The following PRKN variants were observed in gnomAD, a reference collection of about 807,000 sequenced individuals.
The protein encoded by PRKN is parkin RBR E3 ubiquitin protein ligase.
In PRKN, 56 loss-of-function variants were observed where a neutral mutation model predicts 59.5. The observed-to-expected ratio is 0.94, with a 90% CI of 0.76 to 1.18. PRKN has a LOEUF of 1.18. Ranked by LOEUF, PRKN falls within the 50% of genes most tolerant of loss-of-function variation. PRKN has a pLI of 0.00. For synonymous variants in PRKN, 250 were observed against 222.1 expected, an observed-to-expected ratio of 1.13 and a Z score of -1.12; for missense variants, 657 against 596.4, an observed-to-expected ratio of 1.10 and a Z score of -1.06.
At chr6:162,269,084 T>A (rs1232676522) in intron 2 of PRKN, among the ~76,000 whole-genome samples, 1 of 152,102 alleles carries the variant, frequency 6.6e-6, no homozygotes, top group Non-Finnish European at 1.5e-5. Flanking sequence ...AAGAAGATGG[T>A]ATAGGTGAGC....
At chr6:162,193,400 T>C (rs549032806) in intron 4 of PRKN, among the ~76,000 whole-genome samples, 89 of 152,288 alleles carry the variant, frequency 5.8e-4, no homozygotes, top group Non-Finnish European at 1.1e-3. Flanking sequence ...TGTGCATCAC[T>C]CTGGCTTTTG....
intron 7 of PRKN, among the ~76,000 whole-genome samples, chr6:161,615,748 C>T (rs1486928000): frequency 6.6e-6 from 1 of 152,220 alleles, no homozygotes; most frequent in Non-Finnish European, 1.5e-5. Context: ...TTTTGCCTCC[C>T]TCTCCTCCTG....
intron 1 of PRKN, among the ~76,000 whole-genome samples, chr6:162,462,540 T>C (rs1791225187): frequency 6.6e-6 from 1 of 152,084 alleles, no homozygotes; most frequent in Admixed American, 6.6e-5. Context: ...GATGTGTGCG[T>C]ACATGTATAG....
intron 7 of PRKN, among the ~76,000 whole-genome samples, chr6:161,636,135 C>T (rs1783508110): frequency 6.6e-6 from 1 of 152,220 alleles, no homozygotes; most frequent in Non-Finnish European, 1.5e-5. Flanking sequence ...GAGACAAGGC[C>T]ACCCTGACAA....
At chr6:162,433,705 T>C (rs1789643849) in intron 2 of PRKN, among the ~76,000 whole-genome samples, 1 of 123,224 alleles carries the variant, frequency 8.1e-6, no homozygotes, top group Non-Finnish European at 1.6e-5. Context: ...TTTGTGTTTA[T>C]TTCCTGTTTT....
chr6:161,955,984 G>A (rs540554483), intron 6 of PRKN, among the ~76,000 whole-genome samples: 33 of 152,278 alleles, frequency 2.2e-4, no homozygotes, highest in Non-Finnish European at 3.4e-4. Flanking sequence ...GGTAAGTTTG[G>A]AGAACAAAGT....
intron 7 of PRKN, among the ~76,000 whole-genome samples, chr6:161,772,190 C>A (rs931026365): frequency 6.6e-6 from 1 of 152,022 alleles, no homozygotes; most frequent in Non-Finnish European, 1.5e-5. Flanking sequence ...CTGTCTGCAC[C>A]AGGAATAATA....
At chr6:162,047,175 C>A (rs965061882) in intron 5 of PRKN, among the ~76,000 whole-genome samples, 3 of 152,128 alleles carry the variant, frequency 2.0e-5, no homozygotes, top group African/African-American at 4.8e-5. Context: ...AACGTAAGGG[C>A]AGGCAGAGCA....
rs1329844178 is a variant in PRKN at position 162,011,442 on chromosome 6, TTTATAATATATAATATATATA to T, written c.619-38046_619-38026del. ...TATTTTATAATATATATGTTATATA[TTTATAATATATAATATATATA>T]TTATAATATATAATATATTATAATA... On this transcript the variant is annotated intron_variant, in intron 5 of 11. Coordinates refer to ENST00000366898, the MANE Select transcript of PRKN (RefSeq NM_004562.3). 5.4e-4 allele frequency among the ~76,000 whole-genome samples: 6 copies of T among 11,202 alleles called. 1 individual carries two copies. The highest frequency in any genetic ancestry group is 8.1e-4 in the Non-Finnish European group (6 of 7,394). 7.3% of individuals were successfully genotyped at this position (11,202 alleles called of 152,430 possible).
intron 6 of PRKN, among the ~76,000 whole-genome samples, chr6:161,967,276 G>C (rs1303199417): frequency 8.7e-6 from 1 of 115,156 alleles, no homozygotes; most frequent in Non-Finnish European, 1.9e-5. Context: ...TATGTGATTT[G>C]GTAGGCGCAT....
At chr6:162,185,244 A>G (rs112913800) in intron 4 of PRKN, among the ~76,000 whole-genome samples, 11,110 of 152,228 alleles carry the variant, frequency 0.073, 695 homozygotes, top group Admixed American at 0.2. Context: ...ATTTGAAAAT[A>G]AATGCCCACT....
rs1250021021 is a variant in PRKN, at chr6:161,401,128, G to A, written c.1084-14251C>T. ...GGTGTTATTGCAGTCTCTTAATTTA[G>A]CCAACAAAGAAGGTTGGCTCAAAGA... On this transcript the variant is annotated intron_variant, in intron 9 of 11. Transcript: ENST00000366898. The surrounding 1 kb of genome is among the most constrained non-coding windows in gnomAD (Gnocchi z 4.4). Among the ~76,000 whole-genome samples the A allele has an allele frequency of 6.6e-6, 1 of 152,130 alleles. No homozygotes were observed.
At chr6:162,438,345 G>A (rs1047060580) in intron 2 of PRKN, among the ~76,000 whole-genome samples, 2 of 152,096 alleles carry the variant, frequency 1.3e-5, no homozygotes, top group Admixed American at 6.6e-5. Flanking sequence ...GAAAAACAGT[G>A]CATTGTATTT....
chr6:162,340,858 G>A (rs1404746574), intron 2 of PRKN, among the ~76,000 whole-genome samples: 5 of 152,022 alleles, frequency 3.3e-5, no homozygotes, highest in Non-Finnish European at 5.9e-5. Context: ...CATAAGCATC[G>A]GCAAAGACGT....
At chr6:161,748,630 C>T (rs1788539029) in intron 7 of PRKN, among the ~76,000 whole-genome samples, 1 of 152,102 alleles carries the variant, frequency 6.6e-6, no homozygotes. Context: ...AGGCAAGGGG[C>T]ACTTGTCGGG....
chr6:161,828,570 G>T (rs1227796570), intron 6 of PRKN, among the ~76,000 whole-genome samples: 2 of 152,120 alleles, frequency 1.3e-5, no homozygotes, highest in Non-Finnish European at 2.9e-5. Context: ...CGTCAGCTCT[G>T]CTTCCCGCCC....
chr6:162,236,210 A>G (rs1419279574), intron 3 of PRKN, among the ~76,000 whole-genome samples: 1 of 152,206 alleles, frequency 6.6e-6, no homozygotes, highest in Non-Finnish European at 1.5e-5. Flanking sequence ...GTACCCGTTG[A>G]CTACATAGGA....
At chr6:161,501,837 G>T (rs1562489725) in intron 9 of PRKN, among the ~76,000 whole-genome samples, 1 of 152,160 alleles carries the variant, frequency 6.6e-6, no homozygotes, top group Admixed American at 6.5e-5. Context: ...ACAGACAGGG[G>T]TTTCCTTCAG....
rs200006971 is a variant in PRKN at position 162,491,451 on chromosome 6, G to A, written c.8-47978C>T. 9.9e-5 allele frequency among the ~76,000 whole-genome samples: 15 copies of A among 152,278 alleles called. 1 individual carries two copies. The highest frequency in any genetic ancestry group is 7.7e-4 in the East Asian group (4 of 5,174). On this transcript the variant is annotated intron_variant, in intron 1 of 11. Coordinates refer to ENST00000366898, the MANE Select transcript of PRKN (RefSeq NM_004562.3). ...AGGTGACGCACCAGGTGTGCGTGACGACGTCACCCTACAACCTTTAGTCCA... is the reference window on the plus strand; with the variant it reads ...AGGTGACGCACCAGGTGTGCGTGACAACGTCACCCTACAACCTTTAGTCCA...
Sources: allele counts gnomAD v4.1 joint callset (sites outside exome capture counted in the v4.1 genomes callset), GRCh38; gene constraint gnomAD v4.1.1; non-coding constraint Gnocchi (gnomAD v3.1); transcripts MANE v1.5; gene names NCBI Gene and HGNC (gene_info 2026-07-23, HGNC 2026-07-21).